The following HEMK2 variants were observed in gnomAD, a reference collection of about 807,000 sequenced individuals.
HEMK2 encodes methyltransferase HEMK2.
chr21:28,605,557 T>C, the HEMK2 span, among the ~76,000 whole-genome samples: 1 of 152,200 alleles, frequency 6.6e-6, no homozygotes, highest in African/African-American at 2.4e-5. Context: ...TCTTTAAACA[T>C]GACTGAATCC....
At chr21:28,621,844 T>G in the HEMK2 span, among the ~76,000 whole-genome samples, 2 of 152,218 alleles carry the variant, frequency 1.3e-5, no homozygotes, top group African/African-American at 4.8e-5. Context: ...GCCATCTGGA[T>G]GTATATGTGC....
the HEMK2 span, among the ~76,000 whole-genome samples, chr21:28,576,380 T>C: frequency 6.6e-6 from 1 of 152,200 alleles, no homozygotes; most frequent in Non-Finnish European, 1.5e-5. Flanking sequence ...CATTCATAAA[T>C]TTCTCTTGTG....
chr21:28,601,499 C>T, the HEMK2 span, among the ~76,000 whole-genome samples: 4 of 152,154 alleles, frequency 2.6e-5, no homozygotes, highest in South Asian at 4.1e-4. Context: ...TCTACTAACA[C>T]TTTTTACTAT....
chr21:28,878,633 TA>T, the HEMK2 span, among the ~76,000 whole-genome samples: 1 of 152,010 alleles, frequency 6.6e-6, no homozygotes, highest in Non-Finnish European at 1.5e-5. Context: ...AATAAAAAAA[TA>T]TTTTTATCCA....
At chr21:28,583,669 A>T in the HEMK2 span, among the ~76,000 whole-genome samples, 3 of 152,198 alleles carry the variant, frequency 2.0e-5, no homozygotes, top group African/African-American at 4.8e-5. Flanking sequence ...TTTGTACCAT[A>T]ATTGGAAGTC....
chr21:28,617,953 A>G, the HEMK2 span, among the ~76,000 whole-genome samples: 2 of 152,066 alleles, frequency 1.3e-5, no homozygotes, highest in Non-Finnish European at 2.9e-5. Flanking sequence ...AAGCCTGGCT[A>G]ATTTTTGTAC....
chr21:28,795,569 G>C, the HEMK2 span, among the ~76,000 whole-genome samples: 6 of 152,264 alleles, frequency 3.9e-5, no homozygotes, highest in East Asian at 1.2e-3. Flanking sequence ...GTGTTTACTG[G>C]GTGAACAGAT....
chr21:28,878,248 T>C, the HEMK2 span: 1 of 1,607,168 alleles, frequency 6.2e-7, no homozygotes, highest in East Asian at 2.2e-5. Context: ...TGAAAGGAGA[T>C]CTGGAACCAG....
chr21:28,812,466 C>T, the HEMK2 span, among the ~76,000 whole-genome samples: 1 of 152,168 alleles, frequency 6.6e-6, no homozygotes, highest in South Asian at 2.1e-4. Context: ...GTTGAACCAG[C>T]CTTGCATCCC....
the HEMK2 span, among the ~76,000 whole-genome samples, chr21:28,700,596 A>G: frequency 0.56 from 84,585 of 152,068 alleles, 26,200 homozygotes; most frequent in East Asian, 0.84. Flanking sequence ...ATTAAACCAG[A>G]AATAAACTGA....
At chr21:28,880,039 T>C in the HEMK2 span, 2 of 963,960 alleles carry the variant, frequency 2.1e-6, no homozygotes. Flanking sequence ...TAATCTCCCA[T>C]GTTTTTGGGA....
At chr21:28,729,242 A>C in the HEMK2 span, among the ~76,000 whole-genome samples, 1 of 152,136 alleles carries the variant, frequency 6.6e-6, no homozygotes, top group Non-Finnish European at 1.5e-5. Flanking sequence ...TAAGCCCCAA[A>C]ATTCCTCCTA....
At chr21:28,754,633 G>A in the HEMK2 span, among the ~76,000 whole-genome samples, 1 of 152,050 alleles carries the variant, frequency 6.6e-6, no homozygotes, top group South Asian at 2.1e-4. Context: ...AATTCTTGTT[G>A]TTTGTCTATT....
At chr21:28,734,077 A>C in the HEMK2 span, among the ~76,000 whole-genome samples, 1 of 152,196 alleles carries the variant, frequency 6.6e-6, no homozygotes, top group Non-Finnish European at 1.5e-5. Flanking sequence ...TATAGCAATC[A>C]AACCTTCTAA....
the HEMK2 span, among the ~76,000 whole-genome samples, chr21:28,879,292 G>C: frequency 0.47 from 71,854 of 151,890 alleles, 19,856 homozygotes; most frequent in Non-Finnish European, 0.62. Context: ...GTCCAGGCTG[G>C]AGTGCAGTGG....
the HEMK2 span, among the ~76,000 whole-genome samples, chr21:28,764,896 CA>C: frequency 0.42 from 63,438 of 151,848 alleles, 14,178 homozygotes; most frequent in African/African-American, 0.56. Flanking sequence ...TGCTAACTGT[CA>C]AGACATACTA....
chr21:28,763,516 C>A, the HEMK2 span, among the ~76,000 whole-genome samples: 1 of 152,090 alleles, frequency 6.6e-6, no homozygotes, highest in Non-Finnish European at 1.5e-5. Context: ...GACTTCCCAC[C>A]AGGCCCCACC....
the HEMK2 span, among the ~76,000 whole-genome samples, chr21:28,813,058 C>T: frequency 1.3e-5 from 2 of 152,126 alleles, no homozygotes; most frequent in South Asian, 4.1e-4. Flanking sequence ...AGGATGCCCT[C>T]TCTCACCACT....
At chr21:28,862,684 G>A in the HEMK2 span, among the ~76,000 whole-genome samples, 4 of 151,890 alleles carry the variant, frequency 2.6e-5, no homozygotes, top group Non-Finnish European at 4.4e-5. Flanking sequence ...TACCAGCTAC[G>A]ACCATGTGAC....
Sources: allele counts gnomAD v4.1 joint callset (sites outside exome capture counted in the v4.1 genomes callset), GRCh38; gene constraint gnomAD v4.1.1; transcripts MANE v1.5; gene names NCBI Gene and HGNC (gene_info 2026-07-23, HGNC 2026-07-21).